Variants in SEMA6D observed in about 807,000 individuals in gnomAD.
SEMA6D encodes the protein semaphorin 6D.
In SEMA6D, 35 loss-of-function variants were observed where a neutral mutation model predicts 106.6. The observed-to-expected ratio is 0.33, with a 90% CI of 0.25 to 0.44. SEMA6D has a LOEUF of 0.44. SEMA6D is among the 20% of genes least tolerant of loss of function. The pLI is 1.00. For missense variants in SEMA6D, 1,185 were observed against 1,345.9 expected, an observed-to-expected ratio of 0.88 and a Z score of 1.87; for synonymous variants, 499 against 487.7, an observed-to-expected ratio of 1.02 and a Z score of -0.31.
intron 1 of SEMA6D, among the ~76,000 whole-genome samples, chr15:47,239,000 A>G (rs2032735681): frequency 6.6e-6 from 1 of 152,222 alleles, no homozygotes; most frequent in Admixed American, 6.5e-5. Flanking sequence ...GCCACAGACC[A>G]GGTACCTGGC....
chr15:47,672,958 A>AT (rs2078167072), intron 4 of SEMA6D, among the ~76,000 whole-genome samples: 1 of 152,212 alleles, frequency 6.6e-6, no homozygotes, highest in African/African-American at 2.4e-5. Flanking sequence ...TGGGATTTTT[A>AT]TTGCGAGCCA....
chr15:47,299,690 G>A (rs1036086614), intron 1 of SEMA6D, among the ~76,000 whole-genome samples: 1 of 152,176 alleles, frequency 6.6e-6, no homozygotes, highest in African/African-American at 2.4e-5. Flanking sequence ...TACCCTGGGT[G>A]GAATCTATTA....
chr15:47,246,202 T>A (rs1218269364), intron 1 of SEMA6D, among the ~76,000 whole-genome samples: 1 of 152,150 alleles, frequency 6.6e-6, no homozygotes, highest in African/African-American at 2.4e-5. Context: ...ATTAAGTGGA[T>A]AATCAAGGGA....
chr15:47,592,903 A>G (rs916491109), intron 3 of SEMA6D, among the ~76,000 whole-genome samples: 3 of 152,208 alleles, frequency 2.0e-5, no homozygotes, highest in Non-Finnish European at 4.4e-5. Flanking sequence ...TTAGTGATAA[A>G]GTGCCATAAT....
chr15:47,542,758 G>T (rs1172579333), intron 3 of SEMA6D, among the ~76,000 whole-genome samples: 1 of 152,160 alleles, frequency 6.6e-6, no homozygotes, highest in East Asian at 1.9e-4. Flanking sequence ...AAGCACTCGT[G>T]TGGCTTTGGG....
intron 1 of SEMA6D, among the ~76,000 whole-genome samples, chr15:47,386,034 A>C (rs936656813): frequency 6.6e-6 from 1 of 152,222 alleles, no homozygotes; most frequent in African/African-American, 2.4e-5. Context: ...CATACCTCAC[A>C]GAGTGTTTAC....
intron 1 of SEMA6D, among the ~76,000 whole-genome samples, chr15:47,746,428 A>G (rs928477460): frequency 1.3e-4 from 20 of 152,176 alleles, no homozygotes; most frequent in Non-Finnish European, 2.9e-4. Context: ...TATCTGCTTG[A>G]CCTTTGTCAG....
chr15:47,679,458 T>G (rs1222487943), intron 4 of SEMA6D, among the ~76,000 whole-genome samples: 3 of 152,210 alleles, frequency 2.0e-5, no homozygotes, highest in Non-Finnish European at 2.9e-5. Flanking sequence ...TTCTTCCAAG[T>G]GGATCTCTTC....
intron 3 of SEMA6D, among the ~76,000 whole-genome samples, chr15:47,543,793 A>G (rs2045433086): frequency 6.6e-6 from 1 of 152,148 alleles, no homozygotes; most frequent in African/African-American, 2.4e-5. Context: ...TGACAAGAAG[A>G]TGGTAACCTG....
chr15:47,700,159 A>G (rs1221414051), intron 4 of SEMA6D, among the ~76,000 whole-genome samples: 1 of 152,224 alleles, frequency 6.6e-6, no homozygotes. Context: ...AGGATATTCA[A>G]TGTTCATGGA....
chr15:47,427,902 C>G (rs1371553382), intron 2 of SEMA6D, among the ~76,000 whole-genome samples: 1 of 152,078 alleles, frequency 6.6e-6, no homozygotes, highest in African/African-American at 2.4e-5. Context: ...CTTACTCTCT[C>G]TTTCTCTGAG....
chr15:47,359,255 C>T (rs1156532879), intron 1 of SEMA6D, among the ~76,000 whole-genome samples: 9 of 152,040 alleles, frequency 5.9e-5, no homozygotes, highest in Non-Finnish European at 7.4e-5. Flanking sequence ...GTACATATGA[C>T]ACCCAGTTAG....
intron 4 of SEMA6D, among the ~76,000 whole-genome samples, chr15:47,696,078 G>A (rs1047781421): frequency 2.6e-5 from 4 of 152,032 alleles, no homozygotes; most frequent in African/African-American, 7.2e-5. Context: ...ACAAACAAAG[G>A]TCTTCTCTTC....
chr15:47,668,788 C>T (rs2078080693), intron 4 of SEMA6D, among the ~76,000 whole-genome samples: 1 of 152,170 alleles, frequency 6.6e-6, no homozygotes. Flanking sequence ...CCTGCAGTTC[C>T]CACCCAGGTT....
chr15:47,591,672 A>G (rs1031370371), intron 3 of SEMA6D, among the ~76,000 whole-genome samples: 2 of 152,226 alleles, frequency 1.3e-5, no homozygotes. Flanking sequence ...CTGAGACTGT[A>G]GGAAAAACAC....
intron 1 of SEMA6D, among the ~76,000 whole-genome samples, chr15:47,258,679 C>T (rs1004559006): frequency 6.6e-6 from 1 of 152,102 alleles, no homozygotes; most frequent in East Asian, 1.9e-4. Flanking sequence ...CTGAACTGTG[C>T]CACCAAGTTT....
chr15:47,617,261 G>A (rs1045531750), intron 4 of SEMA6D, among the ~76,000 whole-genome samples: 1 of 152,150 alleles, frequency 6.6e-6, no homozygotes, highest in Non-Finnish European at 1.5e-5. Flanking sequence ...CTGTTGCTTG[G>A]AGGCTTGGAG....
intron 4 of SEMA6D, among the ~76,000 whole-genome samples, chr15:47,642,750 A>G (rs1239029044): frequency 6.6e-6 from 1 of 152,168 alleles, no homozygotes; most frequent in African/African-American, 2.4e-5. Flanking sequence ...CTGAGAAAAG[A>G]AGGCCATCTC....
At chr15:47,736,380 C>A (rs777761953) in intron 1 of SEMA6D, among the ~76,000 whole-genome samples, 5 of 152,156 alleles carry the variant, frequency 3.3e-5, no homozygotes, top group African/African-American at 7.2e-5. Flanking sequence ...GATTATCTTA[C>A]GACTGAGAAA....
Sources: gnomAD v4.1 joint callset for allele counts (sites outside exome capture counted in the v4.1 genomes callset) on GRCh38, gnomAD v4.1.1 for gene constraint, MANE v1.5 for transcripts, NCBI Gene and HGNC (gene_info 2026-07-23, HGNC 2026-07-21) for gene names.